FASTKD1: variants seen among roughly 807,000 people sequenced by gnomAD.
FASTKD1 encodes FAST kinase domains 1.
Under a neutral mutation model 90.9 loss-of-function variants are expected in FASTKD1, and 94 were observed. That is an observed-to-expected ratio of 1.03 (90% CI 0.88 to 1.23). The LOEUF is 1.23. FASTKD1 is among the 50% of genes most tolerant of loss of function. The probability of loss-of-function intolerance (pLI) is 0.00; values close to 1 mark genes in which losing one functional copy is unlikely to be tolerated. For missense variants in FASTKD1, 945 were observed against 993.5 expected (o/e 0.95, Z 0.66); for synonymous variants, 319 against 345.8 (o/e 0.92, Z 0.86).
At chr2:169,558,340 CT>C (rs1683422035) in intron 5 of FASTKD1, among the ~76,000 whole-genome samples, 1 of 152,078 alleles carries the variant, frequency 6.6e-6, no homozygotes, top group African/African-American at 2.4e-5. Context: ...TCACTGCAAC[CT>C]CCGCCTCCCA....
In FASTKD1 at chr2:169,564,545, C is replaced by T. The variant is rs534740792; in HGVS notation, c.447-1195G>A. ...CATCATGAAAAATGGAGTATCCATT[C>T]CCTCAGGCATTTATCCTTTGAGTTA... is the stretch of plus-strand genomic sequence containing the variant. On this transcript the variant is annotated intron_variant, in intron 3 of 14. Coordinates refer to ENST00000453153, the MANE Select transcript of FASTKD1 (RefSeq NM_024622.6). Among the ~76,000 whole-genome samples the T allele has an allele frequency of 1.8e-4, 27 of 152,244 alleles. No homozygotes were observed. The South Asian group carries it at 5.6e-3, about 32-fold the overall frequency.
At chr2:169,563,652 T>C (rs1189611243) in intron 3 of FASTKD1, among the ~76,000 whole-genome samples, 1 of 152,132 alleles carries the variant, frequency 6.6e-6, no homozygotes, top group African/African-American at 2.4e-5. Context: ...ACAACAGTGC[T>C]ATGAATTTTT....
At chr2:169,553,643 C>T (rs974849476) in intron 7 of FASTKD1, among the ~76,000 whole-genome samples, 3 of 152,038 alleles carry the variant, frequency 2.0e-5, no homozygotes, top group Non-Finnish European at 4.4e-5. Context: ...TCAGGCCGGG[C>T]GCAGTGGCTC....
intron 7 of FASTKD1, among the ~76,000 whole-genome samples, chr2:169,552,393 T>C (rs1362308139): frequency 6.6e-6 from 1 of 152,184 alleles, no homozygotes; most frequent in East Asian, 1.9e-4. Context: ...CAGTACTGAA[T>C]AATTTAATTT....
In FASTKD1 at chr2:169,540,068, A is replaced by C; in HGVS notation, c.1928T>G (p.Leu643Trp). 6.3e-7 allele frequency: 1 copy of C among 1,593,938 alleles called. No homozygotes were observed. The highest frequency in any genetic ancestry group is 8.6e-7 in the Non-Finnish European group (1 of 1,168,626). ...ATACATACTTTCAAGTTGAGAATCC[A>C]ATCTAGCTAAGAATTTGATGTTAAA... ...AIFNIKFLAR[L>W]DSQLEILSPS... Residue 643 changes from leucine to tryptophan, a missense_variant, in exon 10 of 15, where the codon TTG (leucine) becomes TGG (tryptophan). By Grantham distance (61) the Leu-to-Trp change is moderately conservative. Coordinates refer to ENST00000453153, the MANE Select transcript of FASTKD1 (RefSeq NM_024622.6).
intron 2 of FASTKD1, among the ~76,000 whole-genome samples, chr2:169,569,621 C>T (rs188149232): frequency 4.6e-5 from 7 of 152,110 alleles, no homozygotes; most frequent in South Asian, 2.1e-4. Flanking sequence ...CAGGCTGAGG[C>T]GGGCGGATCA....
chr2:169,531,599 T>A (rs1684497237), intron 12 of FASTKD1, 109 bp from the exon 13 acceptor site: 4 of 811,856 alleles, frequency 4.9e-6, no homozygotes, highest in South Asian at 2.5e-5. Context: ...ACACACACAC[T>A]CACAAAAGAA....
chr2:169,534,216 G>C (rs1287770258), intron 12 of FASTKD1, among the ~76,000 whole-genome samples: 2 of 137,744 alleles, frequency 1.5e-5, no homozygotes, highest in Non-Finnish European at 3.1e-5. Context: ...AAAAAAAAGA[G>C]GCAGAACCTT....
At chr2:169,570,573 C>A in intron 2 of FASTKD1, among the ~76,000 whole-genome samples, 1 of 151,944 alleles carries the variant, frequency 6.6e-6, no homozygotes, top group East Asian at 1.9e-4. Flanking sequence ...GTACCAATAC[C>A]CCCTAGAAAA....
intron 10 of FASTKD1, among the ~76,000 whole-genome samples, chr2:169,538,824 T>G (rs1423340145): frequency 6.6e-6 from 1 of 152,082 alleles, no homozygotes; most frequent in East Asian, 1.9e-4. Context: ...GTGACAAATT[T>G]TATTATATCC....
intron 13 of FASTKD1, 99 bp from the exon 14 acceptor site, chr2:169,530,800 A>C: frequency 1.5e-6 from 1 of 682,102 alleles, no homozygotes; most frequent in Non-Finnish European, 2.6e-6. Flanking sequence ...TAAACTAACA[A>C]AAGCCAATGA....
intron 6 of FASTKD1, among the ~76,000 whole-genome samples, chr2:169,555,953 C>G (rs141093167): frequency 1.3e-5 from 2 of 151,968 alleles, no homozygotes; most frequent in Non-Finnish European, 2.9e-5. Context: ...TTTGGGAGAA[C>G]TGCTTGAGCC....
At chr2:169,559,478 G>A (rs1683484973) in intron 5 of FASTKD1, among the ~76,000 whole-genome samples, 1 of 152,054 alleles carries the variant, frequency 6.6e-6, no homozygotes, top group Admixed American at 6.6e-5. Context: ...TGCCCAGGCT[G>A]GAATTCAATG....
chr2:169,560,414 G>T lies in FASTKD1; in HGVS notation c.944C>A (p.Pro315His), dbSNP rs1451592014. Residue 315 changes from proline (P) to histidine (H), a missense_variant, in exon 5 of 15, where the codon CCC becomes CAC. Physicochemically the swap from Pro to His is moderately conservative, Grantham distance 77 (BLOSUM62 -2). Coordinates refer to ENST00000453153, the MANE Select transcript of FASTKD1 (RefSeq NM_024622.6). Reference protein sequence around the residue: ...SFVKLFVALGPIAGPEEKKQL... With the variant: ...SFVKLFVALGHIAGPEEKKQL... ...TTTCTTTTCTTCAGGTCCTGCAATG[G>T]GTCCCAATGCTACAAACAATTTTAC... 1.1e-5 allele frequency: 17 copies of T among 1,548,520 alleles called. No individual in the cohort carries two copies. The highest frequency in any genetic ancestry group is 2.3e-5 in the East Asian group (1 of 44,054).
In FASTKD1 at chr2:169,544,789, A is replaced by G; in HGVS notation, c.1748T>C (p.Leu583Ser). The change falls in exon 9 of 15, where the codon TTG (leucine) becomes TCG (serine). Residue 583 changes from leucine (L) to serine (S), a missense_variant. Transcript: ENST00000453153. ...IPAIIRPFSV[L>S]NYDPPQRDEF... Reference sequence around the variant, plus strand: ...ATCCCTTTGAGGTGGATCATAGTTCAATACGCTGAATGGACGAATAATAGC... The same window carrying G: ...ATCCCTTTGAGGTGGATCATAGTTCGATACGCTGAATGGACGAATAATAGC... 1 of 1,613,030 alleles carries G rather than the reference A, an allele frequency of 6.2e-7. No individual in the cohort carries two copies. Among genetic ancestry groups the G allele is most frequent in the Non-Finnish European group, 8.5e-7 (1 of 1,179,160 alleles).
At chr2:169,550,543 A>G (rs1196584939) in intron 7 of FASTKD1, among the ~76,000 whole-genome samples, 1 of 151,928 alleles carries the variant, frequency 6.6e-6, no homozygotes, top group Non-Finnish European at 1.5e-5. Context: ...CTGTGGCATG[A>G]TCATAGTTCA....
intron 7 of FASTKD1, among the ~76,000 whole-genome samples, chr2:169,548,592 C>G (rs949706687): frequency 6.6e-6 from 1 of 151,558 alleles, no homozygotes; most frequent in South Asian, 2.1e-4. Context: ...ATTAGCCGGG[C>G]GTGGTGGCAC....
At chr2:169,564,225 T>C (rs1369330164) in intron 3 of FASTKD1, among the ~76,000 whole-genome samples, 6 of 152,134 alleles carry the variant, frequency 3.9e-5, no homozygotes, top group African/African-American at 1.2e-4. Context: ...CAGAAACTGA[T>C]TTAAATAAAC....
chr2:169,567,817 C>G (rs1354554676), intron 3 of FASTKD1, among the ~76,000 whole-genome samples: 2 of 152,108 alleles, frequency 1.3e-5, no homozygotes, highest in African/African-American at 2.4e-5. Flanking sequence ...CTTCCTCACC[C>G]TGATTTTTTT....
Sources: allele counts gnomAD v4.1 joint callset (sites outside exome capture counted in the v4.1 genomes callset), GRCh38; gene constraint gnomAD v4.1.1; transcripts MANE v1.5; gene names NCBI Gene and HGNC (gene_info 2026-07-23, HGNC 2026-07-21).